The following CAPN1 variants were observed in gnomAD, a reference collection of about 807,000 sequenced individuals.
CAPN1 encodes the protein calpain 1.
In CAPN1, 77 loss-of-function variants were observed where a neutral mutation model predicts 105.2. The observed-to-expected ratio is 0.73, with a 90% CI of 0.61 to 0.88. The LOEUF (loss-of-function observed/expected upper bound fraction) is 0.88. Ranked by LOEUF, CAPN1 falls within the 40% of genes least tolerant of loss-of-function variation. The pLI is 0.00. For missense variants in CAPN1, 833 were observed against 976.6 expected (o/e 0.85, Z 1.96); for synonymous variants, 355 against 388.8 (o/e 0.91, Z 1.02).
chr11:65,203,125 T>C (rs2137375965), intron 10 of CAPN1, among the ~76,000 whole-genome samples: 1 of 152,314 alleles, frequency 6.6e-6, no homozygotes, highest in South Asian at 2.1e-4. Context: ...GTATATTCAC[T>C]CTTCAGTTGA....
chr11:65,191,903 A>C (rs1948723718), intron 10 of CAPN1, among the ~76,000 whole-genome samples: 2 of 152,096 alleles, frequency 1.3e-5, no homozygotes, highest in South Asian at 4.1e-4. Context: ...GTACCTTTCT[A>C]ATCTAGGTTT....
intron 11 of CAPN1, 136 bp downstream of exon 11, chr11:65,204,994 C>A: frequency 1.4e-6 from 1 of 707,216 alleles, no homozygotes; most frequent in Non-Finnish European, 2.3e-6. Flanking sequence ...TCCACTCCCC[C>A]CACCATCCTG....
chr11:65,207,968 A>C (rs1483924039), intron 14 of CAPN1, 87 bp from the exon 15 acceptor site: 5 of 868,698 alleles, frequency 5.8e-6, no homozygotes, highest in Non-Finnish European at 9.0e-6. Flanking sequence ...CTTGTAGCAG[A>C]TATGTGACCT....
rs570562112 is a variant in CAPN1, at chr11:65,210,685, T to C, written c.2060-129T>C. The C allele has an allele frequency of 1.6e-5, 13 of 810,612 alleles. No homozygotes were observed. The East Asian group carries it at 2.7e-4, about 17-fold the overall frequency. The allele number at this position is 810,612 out of a possible 1,614,324, so 50.2% of individuals were successfully genotyped here. A position where few individuals can be genotyped will look rare whatever the true frequency, so the allele number is the denominator to read the frequency against. On this transcript the variant is annotated intron_variant, in intron 20 of 21. Transcript: ENST00000279247. This position sits in a 1 kb window ranked among gnomAD's most constrained non-coding sequence, Gnocchi z 4.3. ...CAGGAAGGGGTGAAGCTTCCCAGCTTCAAGGGGTGTCAGCTTGCGGTACTG... is the reference window on the plus strand; with the variant it reads ...CAGGAAGGGGTGAAGCTTCCCAGCTCCAAGGGGTGTCAGCTTGCGGTACTG...
rs187852669 is a variant in CAPN1, at chr11:65,193,442, G to A, written c.1165+4696G>A. On this transcript the variant is annotated intron_variant, in intron 10 of 21. Coordinates refer to ENST00000279247, the MANE Select transcript of CAPN1 (RefSeq NM_005186.4). ...TTTGGCCAGCTGCACTCAGGAGATC[G>A]AGACCATCCTGGCCAACACAGTGAA... Among the ~76,000 whole-genome samples the A allele has an allele frequency of 4.8e-3, 723 of 151,402 alleles. 6 individuals are homozygous for A. The highest frequency in any genetic ancestry group is 0.017 in the African/African-American group (695 of 41,322).
rs1021180217 is a variant in CAPN1, at chr11:65,211,367, C to T, written c.*81C>T. ...CGCCTCCTACCACACCACACCAGGC[C>T]ACCCCAGCTGCAAGTGCCTTCCTTG... On this transcript the variant is annotated 3_prime_UTR_variant, in exon 22 of 22. Coordinates refer to ENST00000279247, the MANE Select transcript of CAPN1 (RefSeq NM_005186.4). The T allele has an allele frequency of 3.5e-6, 5 of 1,410,038 alleles. No homozygotes were observed. Among genetic ancestry groups the T allele is most frequent in the Non-Finnish European group, 4.0e-6 (4 of 1,010,412 alleles). 87.3% of individuals were successfully genotyped at this position (1,410,038 alleles called of 1,614,324 possible). A position where few individuals can be genotyped will look rare whatever the true frequency, so the allele number is the denominator to read the frequency against.
At chr11:65,195,074 A>C (rs1948771811) in intron 10 of CAPN1, among the ~76,000 whole-genome samples, 1 of 149,910 alleles carries the variant, frequency 6.7e-6, no homozygotes, top group Non-Finnish European at 1.5e-5. Context: ...AGTGGGTGTG[A>C]AGTGGTATCA....
intron 10 of CAPN1, among the ~76,000 whole-genome samples, chr11:65,190,256 G>A (rs1460151327): frequency 6.6e-6 from 1 of 152,032 alleles, no homozygotes; most frequent in Non-Finnish European, 1.5e-5. Flanking sequence ...TCTCACTTCT[G>A]CTTCATTGCT....
At chr11:65,203,842 C>T (rs1948909128) in intron 10 of CAPN1, among the ~76,000 whole-genome samples, 1 of 152,104 alleles carries the variant, frequency 6.6e-6, no homozygotes, top group African/African-American at 2.4e-5. Context: ...GTTCCCATCC[C>T]TCCACATCCT....
In CAPN1 at chr11:65,211,462, G is replaced by T. The variant is rs951257697; in HGVS notation, c.*176G>T. 1.5e-6 allele frequency: 1 copy of T among 660,966 alleles called. No homozygotes were observed. Among genetic ancestry groups the T allele is most frequent in the East Asian group, 2.7e-5 (1 of 36,500 alleles). The allele number at this position is 660,966 out of a possible 1,614,324, so 40.9% of individuals were successfully genotyped here. On this transcript the variant is annotated 3_prime_UTR_variant, in exon 22 of 22. Coordinates refer to ENST00000279247, the MANE Select transcript of CAPN1 (RefSeq NM_005186.4). ...CACCATCGTTCATCTGCTCCGGGCA[G>T]AACTGTGTGGCCCCTGCCTGTGCCA...
chr11:65,206,430 G>C, intron 12 of CAPN1, 33 bp from the exon 13 acceptor site: 1 of 1,575,818 alleles, frequency 6.3e-7, no homozygotes, highest in Non-Finnish European at 8.7e-7. Context: ...TGAGTGGGCA[G>C]CTGCAGCCCT....
chr11:65,203,122 C>T (rs372965862), intron 10 of CAPN1, among the ~76,000 whole-genome samples: 3 of 152,208 alleles, frequency 2.0e-5, no homozygotes, highest in South Asian at 4.2e-4. Context: ...TTTGTATATT[C>T]ACTCTTCAGT....
intron 6 of CAPN1, 91 bp from the exon 7 acceptor site, chr11:65,187,124 G>A: frequency 2.3e-6 from 2 of 888,236 alleles, no homozygotes; most frequent in East Asian, 2.6e-5. Flanking sequence ...GTATGTGCAA[G>A]TGGGAACGTC....
rs748364995 is a variant in CAPN1, at chr11:65,211,295, C to G, written c.*9C>G. The G allele has an allele frequency of 3.7e-6, 6 of 1,612,042 alleles. No individual in the cohort carries two copies. The African/African-American group carries it at 8.0e-5, about 22-fold the overall frequency. On this transcript the variant is annotated 3_prime_UTR_variant, in exon 22 of 22. Coordinates refer to ENST00000279247, the MANE Select transcript of CAPN1 (RefSeq NM_005186.4). ...TGACCATGTTTGCATGAGGCAGGGACTCGGTCCCCCTTGCCGTGCTCCCCT... is the reference window on the plus strand; with the variant it reads ...TGACCATGTTTGCATGAGGCAGGGAGTCGGTCCCCCTTGCCGTGCTCCCCT...
chr11:65,181,657 C>A (rs1484390158), upstream of CAPN1: 1 of 366,134 alleles, frequency 2.7e-6, no homozygotes. The surrounding 1 kb of genome is among the most constrained non-coding windows in gnomAD (Gnocchi z 4.6). Flanking sequence ...GGTGCCCTTC[C>A]GCCGCGCCCC....
intron 4 of CAPN1, 106 bp from the exon 5 acceptor site, chr11:65,185,811 T>C (rs1565391039): frequency 1.0e-5 from 12 of 1,156,658 alleles, no homozygotes; most frequent in African/African-American, 1.6e-5. Context: ...GTGTATCTAG[T>C]ATGTATCTGG....
chr11:65,185,205 G>A (rs1948614736), intron 4 of CAPN1, among the ~76,000 whole-genome samples: 1 of 152,010 alleles, frequency 6.6e-6, no homozygotes, highest in Admixed American at 6.6e-5. Flanking sequence ...CCCACAATGG[G>A]TACAGAAGCC....
At chr11:65,206,722 C>G in intron 13 of CAPN1, 48 bp downstream of exon 13, 1 of 1,610,196 alleles carries the variant, frequency 6.2e-7, no homozygotes, top group Non-Finnish European at 8.5e-7. Flanking sequence ...CCAGCCTCCC[C>G]TCTCAGGCCC....
chr11:65,207,105 G>C (rs75002429), intron 14 of CAPN1, among the ~76,000 whole-genome samples: 6,919 of 151,904 alleles, frequency 0.046, 170 homozygotes, highest in Middle Eastern at 0.055. Flanking sequence ...CCCTGTCCGG[G>C]TCTTGTTACC....
Sources: allele counts gnomAD v4.1 joint callset (sites outside exome capture counted in the v4.1 genomes callset), GRCh38; gene constraint gnomAD v4.1.1; non-coding constraint Gnocchi (gnomAD v3.1); transcripts MANE v1.5; gene names NCBI Gene and HGNC (gene_info 2026-07-23, HGNC 2026-07-21).